RBM24: variants seen among roughly 807,000 people sequenced by gnomAD.
RBM24 encodes RNA-binding protein 24.
A neutral mutation model predicts 23.6 loss-of-function variants in RBM24; 5 were observed. The ratio of observed to expected loss-of-function variants is 0.21; its 90% CI spans 0.11 to 0.45. The LOEUF (loss-of-function observed/expected upper bound fraction) is 0.45. Among genes scored for constraint, RBM24 ranks in the 20% least tolerant of loss-of-function variants. The probability of loss-of-function intolerance (pLI) is 0.99; values close to 1 mark genes in which losing one functional copy is unlikely to be tolerated. For missense variants in RBM24, 252 were observed against 314.6 expected (o/e 0.80, Z 1.51); for synonymous variants, 151 against 129.5 (o/e 1.17, Z -1.13).
rs993014094 is a variant in RBM24, at chr6:17,288,104, G to A, written c.347+3393G>A. ...ATCTTTTCCAAAACTAAGACACAGA[G>A]AGGTTAATTAACTTCCCCCTGATCA... is the stretch of plus-strand genomic sequence containing the variant. On this transcript the variant is annotated intron_variant, in intron 3 of 3. Coordinates refer to ENST00000379052, the MANE Select transcript of RBM24 (RefSeq NM_001143942.2). 1.8e-5 allele frequency: 4 copies of A among 228,124 alleles called. No homozygotes were observed. The Admixed American group carries it at 2.6e-4, about 15-fold the overall frequency. The allele number at this position is 228,124 out of a possible 1,614,324, so 14.1% of individuals were successfully genotyped here. A position where few individuals can be genotyped will look rare whatever the true frequency, so the allele number is the denominator to read the frequency against.
chr6:17,283,097 ACTC>A (rs1371094840), intron 2 of RBM24, 169 bp downstream of exon 2: 1 of 572,022 alleles, frequency 1.7e-6, no homozygotes, highest in Non-Finnish European at 3.1e-6. Context: ...AGTTGTAAAT[ACTC>A]CTCTCAAGGC....
intron 3 of RBM24, among the ~76,000 whole-genome samples, chr6:17,285,868 C>G (rs530866627): frequency 7.2e-5 from 11 of 152,290 alleles, no homozygotes; most frequent in African/African-American, 2.6e-4. Flanking sequence ...TGTTTTGGCT[C>G]TGTTCTACCT....
intron 3 of RBM24, chr6:17,288,528 G>A (rs904455316): frequency 2.9e-5 from 29 of 985,270 alleles, no homozygotes; most frequent in Non-Finnish European, 3.3e-5. Flanking sequence ...AAAATAGGAG[G>A]CTATGTTAAG....
At chr6:17,288,730 C>T in intron 3 of RBM24, 1 of 975,016 alleles carries the variant, frequency 1.0e-6, no homozygotes, top group Non-Finnish European at 1.2e-6. Context: ...GAATGTGAAG[C>T]TTGTCCAGGA....
At position 17,292,884 on chromosome 6, in the gene RBM24, A is replaced by G. The variant is rs765100695; in HGVS notation, c.*765A>G. The stretch of plus-strand genomic sequence containing the variant: ...TTGTCACATTCTAATCCCTCTCCCC[A>G]TCCTGTTTCAATTTTGGGAAACTTG... On this transcript the variant is annotated 3_prime_UTR_variant, in exon 4 of 4. Transcript: ENST00000379052. 2.0e-5 allele frequency: 3 copies of G among 152,454 alleles called. No homozygotes were observed. The highest frequency in any genetic ancestry group is 1.9e-4 in the East Asian group (1 of 5,198). 9.4% of individuals were successfully genotyped at this position (152,454 alleles called of 1,614,324 possible).
chr6:17,282,805 G>A lies in RBM24; in HGVS notation c.169G>A (p.Val57Ile), dbSNP rs772661315. The change falls in exon 2 of 4, where the codon GTC becomes ATC. Residue 57 changes from valine to isoleucine, a missense_variant and splice_region_variant. Val to Ile is a conservative substitution (Grantham distance 29). Coordinates refer to ENST00000379052, the MANE Select transcript of RBM24 (RefSeq NM_001143942.2). ...ATGTCTGTGTGTGTCTGTTGCTAAGGTCACCATGGCTGACCGGGCTGCTGC... is the reference window on the plus strand; with the variant it reads ...ATGTCTGTGTGTGTCTGTTGCTAAGATCACCATGGCTGACCGGGCTGCTGC... ...QTGKSRGYGF[V>I]TMADRAAAER... The A allele has an allele frequency of 6.2e-7, 1 of 1,614,014 alleles. No individual in the cohort carries two copies. The highest frequency in any genetic ancestry group is 1.7e-5 in the Admixed American group (1 of 60,016).
rs371735746 is a variant in RBM24 at position 17,284,729 on chromosome 6, G to C, written c.347+18G>C. The C allele has an allele frequency of 6.2e-6, 10 of 1,600,024 alleles. No individual in the cohort carries two copies. Among genetic ancestry groups the C allele is most frequent in the Non-Finnish European group, 8.5e-6 (10 of 1,170,078 alleles). ...CCTTTCGGGTAAGTTGATTAATCAG[G>C]CTTTCTTAAGTTTCAGTATGACTAT... is the stretch of plus-strand genomic sequence containing the variant. On this transcript the variant is annotated intron_variant, in intron 3 of 3. Transcript: ENST00000379052.
chr6:17,282,196 T>C (rs1299582926), intron 1 of RBM24: 6 of 1,285,890 alleles, frequency 4.7e-6, no homozygotes. Context: ...CCTTGTGTCA[T>C]CCCCCCGCCT....
intron 3 of RBM24, chr6:17,289,122 C>G: frequency 1.0e-6 from 1 of 985,358 alleles, no homozygotes. Context: ...TTTGTAACTG[C>G]TAGGCATGCA....
chr6:17,286,170 T>A (rs557335732), intron 3 of RBM24, among the ~76,000 whole-genome samples: 1 of 150,736 alleles, frequency 6.6e-6, no homozygotes, highest in Non-Finnish European at 1.5e-5. Context: ...ACCTCACTGT[T>A]ATTGCCAACT....
chr6:17,287,854 G>A (rs537979575), intron 3 of RBM24, among the ~76,000 whole-genome samples: 99 of 152,076 alleles, frequency 6.5e-4, no homozygotes, highest in African/African-American at 2.2e-3. Flanking sequence ...TTTAGATGAG[G>A]TTGAACATAC....
chr6:17,281,883 C>T lies in RBM24; in HGVS notation c.168+134C>T. On this transcript the variant is annotated intron_variant, in intron 1 of 3. Transcript: ENST00000379052. The surrounding 1 kb of genome is among the most constrained non-coding windows in gnomAD (Gnocchi z 7.1). Reference sequence around the variant, plus strand: ...GTAGAGCGGCGCTGCCCCTTCGCTCCGGGGTGAACTGAAACTTTGCTAGGG... The same window carrying T: ...GTAGAGCGGCGCTGCCCCTTCGCTCTGGGGTGAACTGAAACTTTGCTAGGG... The T allele has an allele frequency of 2.9e-6, 4 of 1,360,754 alleles. No homozygotes were observed. Among genetic ancestry groups the T allele is most frequent in the Non-Finnish European group, 4.0e-6 (4 of 1,000,718 alleles). The allele number at this position is 1,360,754 out of a possible 1,614,324, so 84.3% of individuals were successfully genotyped here. A position where few individuals can be genotyped will look rare whatever the true frequency, so the allele number is the denominator to read the frequency against.
rs1445140310 is a variant in RBM24 at position 17,293,433 on chromosome 6, CATTTT to C, written c.*1316_*1320del. ...ATAAGAGAGTACTCTTACATTAACA[CATTTT>C]AGTTTAGTTTTTAGATTTTTTTTTA... On this transcript the variant is annotated 3_prime_UTR_variant, in exon 4 of 4. Coordinates refer to ENST00000379052, the MANE Select transcript of RBM24 (RefSeq NM_001143942.2). The C allele has an allele frequency of 3.3e-5, 5 of 152,594 alleles. No homozygotes were observed. The highest frequency in any genetic ancestry group is 6.5e-5 in the Admixed American group (1 of 15,280). The allele number at this position is 152,594 out of a possible 1,614,324, so 9.5% of individuals were successfully genotyped here. A position where few individuals can be genotyped will look rare whatever the true frequency, so the allele number is the denominator to read the frequency against.
At chr6:17,290,808 C>T in intron 3 of RBM24, 1 of 1,257,632 alleles carries the variant, frequency 8.0e-7, no homozygotes, top group Non-Finnish European at 1.0e-6. Context: ...TTCCCTCAAC[C>T]TCATCATTTC....
At chr6:17,283,082 A>T (rs529717246) in intron 2 of RBM24, 154 bp downstream of exon 2, 89 of 607,400 alleles carry the variant, frequency 1.5e-4, no homozygotes, top group Non-Finnish European at 2.2e-4. Flanking sequence ...TTAAACATAA[A>T]TGAGAGTTGT....
At chr6:17,285,675 G>C (rs889754788) in intron 3 of RBM24, among the ~76,000 whole-genome samples, 3 of 152,126 alleles carry the variant, frequency 2.0e-5, no homozygotes, top group Non-Finnish European at 4.4e-5. Flanking sequence ...GTTTTTTTGA[G>C]TAGCGTCACA....
chr6:17,281,770 G>A lies in RBM24; in HGVS notation c.168+21G>A, dbSNP rs1760021855. The A allele has an allele frequency of 6.5e-7, 1 of 1,547,258 alleles. No homozygotes were observed. The highest frequency in any genetic ancestry group is 8.7e-7 in the Non-Finnish European group (1 of 1,144,996). ...GATTTGTAAGTTGCACGGACTGGGG[G>A]TGACGGGGAGGGACGGAGTGGCGGC... is the stretch of plus-strand genomic sequence containing the variant. On this transcript the variant is annotated intron_variant, in intron 1 of 3. Coordinates refer to ENST00000379052, the MANE Select transcript of RBM24 (RefSeq NM_001143942.2). This position sits in a 1 kb window ranked among gnomAD's most constrained non-coding sequence, Gnocchi z 7.1.
At chr6:17,282,442 G>C (rs1760052834) in intron 1 of RBM24, 1 of 500,392 alleles carries the variant, frequency 2.0e-6, no homozygotes, top group Non-Finnish European at 3.8e-6. Context: ...CTCTGAGGCT[G>C]AGTAGGGACC....
At chr6:17,290,056 A>T in intron 3 of RBM24, 1 of 1,289,326 alleles carries the variant, frequency 7.8e-7, no homozygotes, top group East Asian at 5.5e-5. Flanking sequence ...ACTGGGAAAC[A>T]TCTACAAGTC....
Sources: gnomAD v4.1 joint callset for allele counts (sites outside exome capture counted in the v4.1 genomes callset) on GRCh38, gnomAD v4.1.1 for gene constraint, Gnocchi (gnomAD v3.1) non-coding constraint, MANE v1.5 for transcripts, NCBI Gene and HGNC (gene_info 2026-07-23, HGNC 2026-07-21) for gene names.